The following STPG2 variants were observed in gnomAD, a reference collection of about 807,000 sequenced individuals.
The protein encoded by STPG2 is sperm-tail PG-rich repeat-containing protein 2.
STPG2 carries 56 observed loss-of-function variants against 54.2 expected under a neutral mutation model. The ratio of observed to expected loss-of-function variants is 1.03; its 90% confidence interval spans 0.83 to 1.29. STPG2 has a LOEUF of 1.29. STPG2 is among the 50% of genes most tolerant of loss of function. The pLI is 0.00. For synonymous variants in STPG2, 200 were observed against 181.8 expected (o/e 1.10, Z -0.81); for missense variants, 596 against 544.9 (o/e 1.09, Z -0.93).
chr4:97,549,457 T>C (rs1158010558), intron 4 of STPG2, among the ~76,000 whole-genome samples: 1 of 152,116 alleles, frequency 6.6e-6, no homozygotes, highest in African/African-American at 2.4e-5. Context: ...AGATTTGGAG[T>C]GCAAATGCCT....
At chr4:97,480,648 G>T (rs186733537) in intron 4 of STPG2, among the ~76,000 whole-genome samples, 16 of 151,598 alleles carry the variant, frequency 1.1e-4, no homozygotes, top group Admixed American at 1.1e-3. Context: ...GGTATGTAAT[G>T]TGGTTTTAAT....
At chr4:97,885,675 T>C (rs1029375259) in intron 8 of STPG2, among the ~76,000 whole-genome samples, 1 of 152,198 alleles carries the variant, frequency 6.6e-6, no homozygotes, top group African/African-American at 2.4e-5. Context: ...AAAATACTAT[T>C]CATGGATGTG....
intron 3 of STPG2, among the ~76,000 whole-genome samples, chr4:98,119,499 CT>C (rs569083941): frequency 7.8e-4 from 119 of 152,026 alleles, no homozygotes; most frequent in Non-Finnish European, 1.3e-3. Flanking sequence ...AATCAAAAAT[CT>C]TTTTTTCTAT....
At chr4:98,101,589 A>G (rs1301194460) in intron 5 of STPG2, among the ~76,000 whole-genome samples, 1 of 152,144 alleles carries the variant, frequency 6.6e-6, no homozygotes, top group Non-Finnish European at 1.5e-5. Context: ...CCCAACCTTA[A>G]ATATAGCCCA....
intron 3 of STPG2, among the ~76,000 whole-genome samples, chr4:98,112,925 G>A (rs1739404181): frequency 6.6e-6 from 1 of 151,640 alleles, no homozygotes; most frequent in Non-Finnish European, 1.5e-5. Flanking sequence ...TAAATACTGG[G>A]GATTTTCTGT....
At chr4:97,697,820 G>C (rs921419566) in intron 10 of STPG2, among the ~76,000 whole-genome samples, 1 of 152,192 alleles carries the variant, frequency 6.6e-6, no homozygotes, top group Non-Finnish European at 1.5e-5. Flanking sequence ...GCAATTGCAT[G>C]AGTTATCTGT....
At chr4:97,688,150 T>C (rs1455497296) in intron 10 of STPG2, among the ~76,000 whole-genome samples, 2 of 152,072 alleles carry the variant, frequency 1.3e-5, no homozygotes, top group African/African-American at 2.4e-5. Flanking sequence ...AATTAAGAAA[T>C]CTGAAAATCT....
In STPG2 at chr4:98,026,395, G is replaced by T. The variant is rs551737903; in HGVS notation, c.613-45077C>A. Among the ~76,000 whole-genome samples, 22 of 152,240 alleles carry T rather than the reference G, an allele frequency of 1.4e-4. No individual in the cohort carries two copies. The East Asian group carries it at 3.3e-3, about 23-fold the overall frequency. ...TCGACATTTATCCTCTTTGGCCTAG[G>T]TTTTACTGGATCTGGACCCTGTACA... On this transcript the variant is annotated intron_variant, in intron 5 of 10. Transcript: ENST00000295268.
chr4:97,451,321 A>C (rs1729358417), intron 4 of STPG2, among the ~76,000 whole-genome samples: 1 of 152,140 alleles, frequency 6.6e-6, no homozygotes, highest in African/African-American at 2.4e-5. Flanking sequence ...ATGGATATTA[A>C]TTAATTTAGT....
chr4:97,618,228 T>G (rs997189949), intron 10 of STPG2, among the ~76,000 whole-genome samples: 4 of 152,132 alleles, frequency 2.6e-5, no homozygotes, highest in African/African-American at 9.6e-5. Context: ...TCTCTTAGAA[T>G]GCGCCTTTTT....
chr4:97,579,309 C>A (rs1732803047), intron 10 of STPG2, among the ~76,000 whole-genome samples: 1 of 151,914 alleles, frequency 6.6e-6, no homozygotes, highest in Admixed American at 6.6e-5. Context: ...AAAACATTAT[C>A]TATGGGAGTT....
chr4:97,739,769 A>G (rs540867202), intron 9 of STPG2, among the ~76,000 whole-genome samples: 348 of 152,284 alleles, frequency 2.3e-3, no homozygotes, highest in African/African-American at 7.7e-3. Flanking sequence ...ATTCACAGCC[A>G]AATTCTACCA....
intron 5 of STPG2, among the ~76,000 whole-genome samples, chr4:98,023,450 G>A (rs1169205813): frequency 1.3e-5 from 2 of 152,214 alleles, no homozygotes; most frequent in African/African-American, 4.8e-5. Flanking sequence ...CCCTACTGGG[G>A]GTGCCTCCCA....
At chr4:97,589,607 T>C (rs1733086646) in intron 10 of STPG2, among the ~76,000 whole-genome samples, 1 of 152,062 alleles carries the variant, frequency 6.6e-6, no homozygotes, top group South Asian at 2.1e-4. Context: ...CCTCTGTAAA[T>C]CCTATTGTCT....
At chr4:97,987,172 T>G (rs538241903) in intron 5 of STPG2, among the ~76,000 whole-genome samples, 1 of 152,226 alleles carries the variant, frequency 6.6e-6, no homozygotes, top group African/African-American at 2.4e-5. Flanking sequence ...CAAAAAAAAT[T>G]TCCTTAGCAA....
At chr4:97,653,036 T>A (rs909925542) in intron 10 of STPG2, among the ~76,000 whole-genome samples, 1 of 151,888 alleles carries the variant, frequency 6.6e-6, no homozygotes, top group Non-Finnish European at 1.5e-5. Context: ...AGTAGAGACC[T>A]TAGTAATAAG....
chr4:97,541,329 GACAA>G (rs1408691336), intron 4 of STPG2, among the ~76,000 whole-genome samples: 6 of 152,160 alleles, frequency 3.9e-5, no homozygotes, highest in East Asian at 3.9e-4. Flanking sequence ...ACCAATAATA[GACAA>G]ACAGAGAGCC....
At chr4:98,010,202 G>A (rs879485383) in intron 5 of STPG2, among the ~76,000 whole-genome samples, 29 of 151,326 alleles carry the variant, frequency 1.9e-4, no homozygotes, top group Non-Finnish European at 3.5e-4. Flanking sequence ...TATTTAAGTC[G>A]TTCTACTATT....
chr4:97,701,984 T>C (rs1046813519), intron 10 of STPG2, among the ~76,000 whole-genome samples: 1 of 152,190 alleles, frequency 6.6e-6, no homozygotes, highest in South Asian at 2.1e-4. Context: ...ACAGAGCTCT[T>C]CAAAGATGCA....
Sources: gnomAD v4.1 joint callset for allele counts (sites outside exome capture counted in the v4.1 genomes callset) on GRCh38, gnomAD v4.1.1 for gene constraint, MANE v1.5 for transcripts, NCBI Gene and HGNC (gene_info 2026-07-23, HGNC 2026-07-21) for gene names.